Variants in ERC2 observed in about 807,000 individuals in gnomAD.
ERC2 encodes the protein ERC protein 2.
A neutral mutation model predicts 114.8 loss-of-function variants in ERC2; 42 were observed. The observed-to-expected ratio is 0.37, with a 90% CI of 0.29 to 0.47. The LOEUF is 0.47. Among genes scored for constraint, ERC2 ranks in the 20% least tolerant of loss-of-function variants. The pLI is 0.99. For missense variants in ERC2, 939 were observed against 1,150.7 expected (o/e 0.82, Z 2.66); for synonymous variants, 454 against 425.5 (o/e 1.07, Z -0.82).
At chr3:56,031,419 C>T (rs929960899) in intron 7 of ERC2, among the ~76,000 whole-genome samples, 3 of 152,238 alleles carry the variant, frequency 2.0e-5, no homozygotes, top group African/African-American at 7.2e-5. Flanking sequence ...GGCCAGCCAG[C>T]CCAAGGACTC....
rs550045399 is a variant in ERC2, at chr3:56,269,018, A to G, written c.1074+27001T>C. 1.9e-4 allele frequency among the ~76,000 whole-genome samples: 29 copies of G among 152,322 alleles called. No homozygotes were observed. The East Asian group carries it at 5.6e-3, about 29-fold the overall frequency. On this transcript the variant is annotated intron_variant, in intron 3 of 17. Transcript: ENST00000288221. ...GCTAGGTTTGAGGTTAAAGATACAA[A>G]TAGGAGGCAAAATTATAATAGAAAA...
intron 13 of ERC2, among the ~76,000 whole-genome samples, chr3:55,925,028 G>A (rs1371597711): frequency 6.6e-6 from 1 of 152,158 alleles, no homozygotes; most frequent in Non-Finnish European, 1.5e-5. Flanking sequence ...TTAATCTGTT[G>A]CCACTTCCAA....
intron 17 of ERC2, among the ~76,000 whole-genome samples, chr3:55,652,419 A>C (rs1397648463): frequency 6.6e-6 from 1 of 152,142 alleles, no homozygotes; most frequent in Non-Finnish European, 1.5e-5. Context: ...ACATTTACAG[A>C]CCAGGTCCTT....
chr3:55,707,438 C>CA (rs11344556), intron 15 of ERC2, among the ~76,000 whole-genome samples: 152 of 151,546 alleles, frequency 1.0e-3, no homozygotes, highest in African/African-American at 3.6e-3. Flanking sequence ...GATCTTGTCT[C>CA]AAAAAAAAAC....
chr3:56,383,431 C>G (rs905569455), intron 2 of ERC2, among the ~76,000 whole-genome samples: 4 of 152,208 alleles, frequency 2.6e-5, no homozygotes, highest in Non-Finnish European at 5.9e-5. Flanking sequence ...GTTGCTGTCA[C>G]TGCTATAATT....
chr3:55,839,292 A>T (rs79135902), intron 14 of ERC2, among the ~76,000 whole-genome samples: 2,572 of 151,942 alleles, frequency 0.017, 68 homozygotes, highest in African/African-American at 0.058. Context: ...AAAAAAGCTT[A>T]TAGAATTCTT....
intron 10 of ERC2, among the ~76,000 whole-genome samples, chr3:55,992,801 G>T (rs1576482189): frequency 6.6e-6 from 1 of 152,128 alleles, no homozygotes; most frequent in East Asian, 1.9e-4. Flanking sequence ...TTGAAAGGAG[G>T]CTTGGAGGTG....
intron 4 of ERC2, among the ~76,000 whole-genome samples, chr3:56,167,611 G>A (rs2082389565): frequency 6.6e-6 from 1 of 152,086 alleles, no homozygotes. Flanking sequence ...GGGGTTTGTT[G>A]TTGCTTTATA....
At chr3:55,995,545 T>A (rs557830860) in intron 10 of ERC2, among the ~76,000 whole-genome samples, 1 of 152,228 alleles carries the variant, frequency 6.6e-6, no homozygotes, top group South Asian at 2.1e-4. Context: ...TAAGAAAAAG[T>A]CATATAAAGA....
intron 2 of ERC2, among the ~76,000 whole-genome samples, chr3:56,308,546 A>G (rs1383695768): frequency 6.6e-6 from 1 of 152,202 alleles, no homozygotes; most frequent in Admixed American, 6.5e-5. Context: ...TGTGCATGGA[A>G]CACACAATTA....
At chr3:56,309,543 G>A (rs1031004053) in intron 2 of ERC2, among the ~76,000 whole-genome samples, 6 of 152,324 alleles carry the variant, frequency 3.9e-5, no homozygotes, top group Middle Eastern at 3.4e-3. Context: ...CACTAAACTT[G>A]TCTCAGCTTC....
chr3:55,661,205 A>G (rs2061118630), intron 17 of ERC2, among the ~76,000 whole-genome samples: 1 of 152,198 alleles, frequency 6.6e-6, no homozygotes, highest in African/African-American at 2.4e-5. Flanking sequence ...AACACGGCTC[A>G]GTTCATTCTC....
chr3:56,283,359 G>T (rs917762353), intron 3 of ERC2, among the ~76,000 whole-genome samples: 1 of 152,188 alleles, frequency 6.6e-6, no homozygotes, highest in African/African-American at 2.4e-5. Context: ...GGCCGGGCAT[G>T]ATGGCTCATA....
chr3:55,700,568 C>G (rs967340324), intron 15 of ERC2, among the ~76,000 whole-genome samples: 8 of 152,228 alleles, frequency 5.3e-5, no homozygotes, highest in African/African-American at 1.9e-4. Context: ...GCTGTCATTA[C>G]TATAGTTACT....
At chr3:56,193,781 T>TAGA (rs2047934048) in intron 3 of ERC2, among the ~76,000 whole-genome samples, 1 of 152,204 alleles carries the variant, frequency 6.6e-6, no homozygotes, top group Non-Finnish European at 1.5e-5. Flanking sequence ...CCCAAAGTCT[T>TAGA]AGAACCTTGT....
intron 6 of ERC2, among the ~76,000 whole-genome samples, chr3:56,110,380 A>G (rs941359965): frequency 6.6e-6 from 1 of 152,190 alleles, no homozygotes; most frequent in African/African-American, 2.4e-5. Flanking sequence ...AATTTTAGAA[A>G]TAGCTGCAAT....
In ERC2 at chr3:55,799,870, G is replaced by A. The variant is rs564345831; in HGVS notation, c.2565-64952C>T. Among the ~76,000 whole-genome samples, 7 of 152,248 alleles carry A rather than the reference G, an allele frequency of 4.6e-5. No homozygotes were observed. In the South Asian group the frequency reaches 1.0e-3, roughly 23 times the overall value. ...TCGTTCCATTGACCCAACAGTCAGA[G>A]TAGGGGTCACCATTACTGCTATATA... On this transcript the variant is annotated intron_variant, in intron 14 of 17. Coordinates refer to ENST00000288221, the MANE Select transcript of ERC2 (RefSeq NM_015576.3).
intron 13 of ERC2, among the ~76,000 whole-genome samples, chr3:55,922,661 C>T (rs2065496049): frequency 6.6e-6 from 1 of 152,148 alleles, no homozygotes; most frequent in South Asian, 2.1e-4. Context: ...TAACTGTCCT[C>T]AAGACCTTCC....
At chr3:56,443,359 GCGAC>G (rs1020322893) in intron 1 of ERC2, among the ~76,000 whole-genome samples, 4 of 152,184 alleles carry the variant, frequency 2.6e-5, no homozygotes, top group African/African-American at 7.2e-5. Flanking sequence ...ATTTTAGTTA[GCGAC>G]GTAGGCTCAC....
Sources: gnomAD v4.1 joint callset for allele counts (sites outside exome capture counted in the v4.1 genomes callset) on GRCh38, gnomAD v4.1.1 for gene constraint, MANE v1.5 for transcripts, NCBI Gene and HGNC (gene_info 2026-07-23, HGNC 2026-07-21) for gene names.